Variants in NRG3 observed in about 807,000 individuals in gnomAD.
NRG3 encodes neuregulin 3.
A neutral mutation model predicts 66.9 loss-of-function variants in NRG3; 31 were observed. The observed-to-expected ratio is 0.46, with a 90% CI of 0.35 to 0.63. The LOEUF is 0.63. NRG3 is among the 20% of genes least tolerant of loss of function. The probability of loss-of-function intolerance (pLI) is 0.00; values close to 1 mark genes in which losing one functional copy is unlikely to be tolerated. For missense variants in NRG3, 910 were observed against 878.9 expected, an observed-to-expected ratio of 1.04 and a Z score of -0.45; for synonymous variants, 393 against 359.4, an observed-to-expected ratio of 1.09 and a Z score of -1.06.
chr10:82,797,163 C>T (rs1430162030), intron 3 of NRG3, among the ~76,000 whole-genome samples: 1 of 152,170 alleles, frequency 6.6e-6, no homozygotes, highest in African/African-American at 2.4e-5. Context: ...CTTTCCTGCT[C>T]TGGACTCTGG....
intron 2 of NRG3, among the ~76,000 whole-genome samples, chr10:82,598,123 G>T (rs928422017): frequency 2.6e-5 from 4 of 151,986 alleles, no homozygotes; most frequent in Admixed American, 6.6e-5. Context: ...TTATAGACAG[G>T]CCTGAACAAC....
At chr10:82,635,232 C>T (rs2050107968) in intron 2 of NRG3, among the ~76,000 whole-genome samples, 1 of 152,104 alleles carries the variant, frequency 6.6e-6, no homozygotes, top group Admixed American at 6.6e-5. Flanking sequence ...TTCTTTGTCC[C>T]ATGATTTCTA....
chr10:82,386,384 A>G (rs2085989928), intron 2 of NRG3, among the ~76,000 whole-genome samples: 1 of 152,292 alleles, frequency 6.6e-6, no homozygotes, highest in African/African-American at 2.4e-5. Context: ...TAGATATTAA[A>G]CTGTTAATTA....
At chr10:82,322,309 C>T (rs2081619284) in intron 1 of NRG3, among the ~76,000 whole-genome samples, 1 of 152,038 alleles carries the variant, frequency 6.6e-6, no homozygotes, top group South Asian at 2.1e-4. Context: ...ATTCCTTTTT[C>T]TTCACATCTG....
At chr10:82,929,031 C>A (rs1334098735) in intron 4 of NRG3, among the ~76,000 whole-genome samples, 2 of 152,152 alleles carry the variant, frequency 1.3e-5, no homozygotes, top group African/African-American at 4.8e-5. Context: ...ACCAATGTCT[C>A]AGAATCATCA....
chr10:81,993,314 T>A (rs960267507), intron 1 of NRG3, among the ~76,000 whole-genome samples: 1 of 152,152 alleles, frequency 6.6e-6, no homozygotes, highest in Non-Finnish European at 1.5e-5. Flanking sequence ...AGCACACAGC[T>A]TAGTTTAAAG....
chr10:82,597,652 G>T (rs749120040), intron 2 of NRG3, among the ~76,000 whole-genome samples: 1 of 152,184 alleles, frequency 6.6e-6, no homozygotes, highest in Admixed American at 6.5e-5. Flanking sequence ...GCCGGGAGCA[G>T]TTGCTCATGC....
chr10:82,612,369 CATAGTACTATGGTTACAAAGTAG>C (rs1358108176), intron 2 of NRG3, among the ~76,000 whole-genome samples: 1 of 151,928 alleles, frequency 6.6e-6, no homozygotes, highest in Non-Finnish European at 1.5e-5. Flanking sequence ...TTAAAAACAG[CATAGTACTATGGTTACAAAGTAG>C]ATAGCAAGAT....
chr10:81,875,841 C>T lies in NRG3; in HGVS notation c.501C>T (p.Arg167=), dbSNP rs1841575963. Residue 167 remains arginine (R), a synonymous_variant, in exon 1 of 9, where the codon CGC becomes CGT. Transcript: ENST00000372141. This position sits in a 1 kb window ranked among gnomAD's most constrained non-coding sequence, Gnocchi z 5.3. ...CCACCATCACGCGGGCGCCCACTCG[C>T]TTCCCCGGGCACCGGGTGCCCATCC... ...RLTTITRAPT[R]FPGHRVPIRA... The T allele has an allele frequency of 6.2e-7, 1 of 1,609,354 alleles. No individual in the cohort carries two copies. The highest frequency in any genetic ancestry group is 2.2e-5 in the East Asian group (1 of 44,840).
At chr10:82,096,551 A>G (rs2066361359) in intron 1 of NRG3, among the ~76,000 whole-genome samples, 1 of 152,144 alleles carries the variant, frequency 6.6e-6, no homozygotes, top group South Asian at 2.1e-4. Flanking sequence ...CCCGTCACTC[A>G]CCAAAAAGAA....
intron 2 of NRG3, among the ~76,000 whole-genome samples, chr10:82,452,010 C>T (rs1422534026): frequency 6.6e-6 from 1 of 152,168 alleles, no homozygotes; most frequent in Non-Finnish European, 1.5e-5. Flanking sequence ...CATATCTCTT[C>T]TATTTGGAAT....
At chr10:82,442,700 C>T (rs1233562875) in intron 2 of NRG3, among the ~76,000 whole-genome samples, 2 of 148,254 alleles carry the variant, frequency 1.3e-5, no homozygotes, top group Non-Finnish European at 3.0e-5. Context: ...TTATCAAATT[C>T]ATCAGCCAGA....
chr10:82,159,470 C>T (rs1279897668), intron 1 of NRG3, among the ~76,000 whole-genome samples: 1 of 151,898 alleles, frequency 6.6e-6, no homozygotes, highest in African/African-American at 2.4e-5. Flanking sequence ...TTTAGGATTT[C>T]ATTCCGGAAT....
intron 1 of NRG3, among the ~76,000 whole-genome samples, chr10:82,230,602 T>C (rs763802748): frequency 1.3e-5 from 2 of 151,184 alleles, no homozygotes; most frequent in Non-Finnish European, 2.9e-5. Flanking sequence ...ATTCTGACAA[T>C]GAAAATGAAT....
intron 1 of NRG3, among the ~76,000 whole-genome samples, chr10:82,018,880 A>G (rs2061920029): frequency 6.6e-6 from 1 of 152,154 alleles, no homozygotes; most frequent in Admixed American, 6.5e-5. Context: ...GTCATCTGCA[A>G]ACAGGGACAA....
At chr10:82,845,829 A>G (rs1375612308) in intron 3 of NRG3, among the ~76,000 whole-genome samples, 1 of 152,206 alleles carries the variant, frequency 6.6e-6, no homozygotes, top group Non-Finnish European at 1.5e-5. Context: ...AAGAAGGAAT[A>G]TTAATGCAAC....
At position 82,362,548 on chromosome 10, in the gene NRG3, G is replaced by GTTTTTTTTTTTTTTTTTTTTTTTTTTTT. The variant is rs10694679; in HGVS notation, c.953+3701_953+3702insTTTTTTTTTTTTTTTTTTTTTTTTTTTT. Among the ~76,000 whole-genome samples, 22 of 83,202 alleles carry GTTTTTTTTTTTTTTTTTTTTTTTTTTTT rather than the reference G, an allele frequency of 2.6e-4. 4 individuals carry two copies. Among genetic ancestry groups the GTTTTTTTTTTTTTTTTTTTTTTTTTTTT allele is most frequent in the African/African-American group, 6.9e-4 (14 of 20,188 alleles). 54.6% of individuals were successfully genotyped at this position (83,202 alleles called of 152,430 possible). ...ACCACCATGCCCAGATAATTTCTGGGTTTTTTTTTTTTTTTTTTTTTCGTA... is the reference window on the plus strand; with the variant it reads ...ACCACCATGCCCAGATAATTTCTGGGTTTTTTTTTTTTTTTTTTTTTTTTTTTTTTTTTTTTTTTTTTTTTTTTTCGTA... On this transcript the variant is annotated intron_variant, in intron 2 of 8. Transcript: ENST00000372141.
intron 2 of NRG3, among the ~76,000 whole-genome samples, chr10:82,618,028 G>A (rs1350357929): frequency 6.6e-6 from 1 of 152,162 alleles, no homozygotes. Flanking sequence ...CACCTGGGCT[G>A]TTGGGACTTC....
intron 2 of NRG3, among the ~76,000 whole-genome samples, chr10:82,381,503 A>G (rs2135855290): frequency 6.6e-6 from 1 of 152,280 alleles, no homozygotes; most frequent in African/African-American, 2.4e-5. Context: ...CAGAGCAAGA[A>G]GGCGATCAGC....
Sources: gnomAD v4.1 joint callset for allele counts (sites outside exome capture counted in the v4.1 genomes callset) on GRCh38, gnomAD v4.1.1 for gene constraint, Gnocchi (gnomAD v3.1) non-coding constraint, MANE v1.5 for transcripts, NCBI Gene and HGNC (gene_info 2026-07-23, HGNC 2026-07-21) for gene names.